The following UNC13B variants were observed in gnomAD, a reference collection of about 807,000 sequenced individuals.
UNC13B encodes the protein unc-13 homolog B.
In UNC13B, 144 loss-of-function variants were observed where a neutral mutation model predicts 211.0. The ratio of observed to expected loss-of-function variants is 0.68; its 90% CI spans 0.60 to 0.78. The LOEUF (loss-of-function observed/expected upper bound fraction) is 0.78. UNC13B is among the 30% of genes least tolerant of loss of function. UNC13B has a pLI of 0.00. For synonymous variants in UNC13B, 709 were observed against 725.8 expected (o/e 0.98, Z 0.37); for missense variants, 1,777 against 2,002.0 (o/e 0.89, Z 2.14).
chr9:35,353,584 A>G (rs1832851440), intron 11 of UNC13B: 3 of 1,232,124 alleles, frequency 2.4e-6, no homozygotes, highest in Non-Finnish European at 3.0e-6. Context: ...ACTCCTTGCC[A>G]AGTGTTGCTC....
chr9:35,270,353 G>A (rs2131675222), intron 7 of UNC13B, among the ~76,000 whole-genome samples: 1 of 152,000 alleles, frequency 6.6e-6, no homozygotes, highest in Non-Finnish European at 1.5e-5. Context: ...GTGTGTGTGT[G>A]TGTGTGTGTA....
chr9:35,258,912 A>G, intron 6 of UNC13B, 81 bp from the exon 7 acceptor site: 5 of 1,408,912 alleles, frequency 3.5e-6, no homozygotes, highest in Non-Finnish European at 4.9e-6. Flanking sequence ...ACCTTTTTAT[A>G]GGTAGTTGTG....
At chr9:35,385,515 G>A (rs1835130301) in intron 22 of UNC13B, 10 of 985,214 alleles carry the variant, frequency 1.0e-5, no homozygotes, top group Non-Finnish European at 1.2e-5. Flanking sequence ...TCTAGGGTGG[G>A]GAGTATTAAC....
chr9:35,400,529 A>G, intron 37 of UNC13B, 86 bp downstream of exon 37: 1 of 1,462,214 alleles, frequency 6.8e-7, no homozygotes, highest in Non-Finnish European at 9.1e-7. Flanking sequence ...TGCCCTTGGG[A>G]GCAGATCCAG....
chr9:35,403,167 G>T lies in UNC13B; in HGVS notation c.12485G>T (p.Gly4162Val), dbSNP rs1196154026. The T allele has an allele frequency of 1.2e-6, 2 of 1,613,944 alleles. No individual in the cohort carries two copies. The highest frequency in any genetic ancestry group is 2.2e-5 in the South Asian group (2 of 91,048). ...AATCATCTCTCCATTTGTCCCTCAG[G>T]GTCTGGTGTGGACGATCCTGTGGGA... Reference protein sequence around the residue: ...KTFVRSQTTQGSGVDDPVGEV... With the variant: ...KTFVRSQTTQVSGVDDPVGEV... Residue 4162 changes from glycine (G) to valine (V), a missense_variant and splice_region_variant, in exon 38 of 40, where the codon GGG becomes GTG. By Grantham distance (109) the Gly-to-Val change is moderately radical. Coordinates refer to ENST00000635942, the MANE Select transcript of UNC13B (RefSeq NM_001371189.2).
chr9:35,390,694 A>G lies in UNC13B; in HGVS notation c.11288A>G (p.Asp3763Gly). 1 of 1,614,088 alleles carries G rather than the reference A, an allele frequency of 6.2e-7. No individual in the cohort carries two copies. The highest frequency in any genetic ancestry group is 8.5e-7 in the Non-Finnish European group (1 of 1,180,002). ...GTGATGTGGCATTTGTTTGCCCAAG[A>G]CATGAAATATGCATTGGAGGGTAAG... The part of the protein sequence containing the change: ...AEVMWHLFAQ[D>G]MKYALEEHEK... The change falls in exon 26 of 40, where the codon GAC becomes GGC. Residue 3763 changes from aspartate to glycine, a missense_variant. By Grantham distance (94) the Asp-to-Gly change is moderately conservative. Transcript: ENST00000635942.
intron 1 of UNC13B, 23 bp downstream of exon 1, chr9:35,162,328 G>A (rs1456246199): frequency 6.5e-7 from 1 of 1,534,156 alleles, no homozygotes; most frequent in African/African-American, 1.4e-5. Context: ...ACTGAGGCGG[G>A]GAGGCGGGGT....
At chr9:35,241,639 A>G (rs1367587753) in intron 5 of UNC13B, among the ~76,000 whole-genome samples, 1 of 151,880 alleles carries the variant, frequency 6.6e-6, no homozygotes, top group African/African-American at 2.4e-5. Context: ...ATATTCTAAC[A>G]CATTCCCTGT....
rs745548840 is a variant in UNC13B at position 35,295,856 on chromosome 9, A to G, written c.687A>G (p.Gln229=). Residue 229 remains glutamine (Q), a synonymous_variant, in exon 8 of 40, where the codon CAA becomes CAG. Coordinates refer to ENST00000635942, the MANE Select transcript of UNC13B (RefSeq NM_001371189.2). The part of the protein sequence containing the change: ...PVRSPQQLLL[Q]GSSRDSCNDS... ...GATCGCCACAGCAGCTGCTACTTCA[A>G]GGCAGTTCCCGGGACTCTTGTAATG... 2.5e-6 allele frequency: 4 copies of G among 1,614,000 alleles called. No homozygotes were observed. The highest frequency in any genetic ancestry group is 2.7e-5 in the African/African-American group (2 of 74,880).
chr9:35,399,320 CCCTT>C lies in UNC13B; in HGVS notation c.12198+39_12198+42del, dbSNP rs756620817. ...CTCCTTCCACTTCCTCCTGCTGTCT[CCCTT>C]CCCCTCACTCCCTGCTTCCTGATGG... On this transcript the variant is annotated intron_variant, in intron 34 of 39. Coordinates refer to ENST00000635942, the MANE Select transcript of UNC13B (RefSeq NM_001371189.2). 7.4e-6 allele frequency: 12 copies of C among 1,614,052 alleles called. No homozygotes were observed. In the African/African-American group the frequency reaches 1.6e-4, roughly 22 times the overall value.
At chr9:35,276,670 C>A (rs1031356153) in intron 7 of UNC13B, among the ~76,000 whole-genome samples, 1 of 152,068 alleles carries the variant, frequency 6.6e-6, no homozygotes, top group African/African-American at 2.4e-5. Context: ...TCAAATGATT[C>A]AGAAATGTGT....
At chr9:35,332,241 C>T (rs1297891250) in intron 11 of UNC13B, among the ~76,000 whole-genome samples, 2 of 152,226 alleles carry the variant, frequency 1.3e-5, no homozygotes, top group African/African-American at 4.8e-5. Context: ...TGAGCCACTG[C>T]ACCCAGCCTC....
chr9:35,376,119 C>A lies in UNC13B; in HGVS notation c.9707C>A (p.Thr3236Asn). ...AACTTTGAGGTCTGGACGGCCACTA[C>A]CCCAACCTACTGCTATGAGTGTGAA... ...PHNFEVWTAT[T>N]PTYCYECEGL... The change falls in exon 15 of 40, where the codon ACC becomes AAC. Residue 3236 changes from threonine to asparagine, a missense_variant. Physicochemically the swap from Thr to Asn is moderately conservative, Grantham distance 65. Coordinates refer to ENST00000635942, the MANE Select transcript of UNC13B (RefSeq NM_001371189.2). 6.2e-7 allele frequency: 1 copy of A among 1,614,258 alleles called. No individual in the cohort carries two copies. Among genetic ancestry groups the A allele is most frequent in the Non-Finnish European group, 8.5e-7 (1 of 1,180,052 alleles).
At chr9:35,362,393 ATGTGT>A (rs1313839253) in intron 11 of UNC13B, among the ~76,000 whole-genome samples, 1 of 152,222 alleles carries the variant, frequency 6.6e-6, no homozygotes, top group African/African-American at 2.4e-5. Flanking sequence ...GCAGTGGTTA[ATGTGT>A]TGTGATAAAG....
At chr9:35,385,661 T>G in intron 22 of UNC13B, 63 bp from the exon 23 acceptor site, 3 of 1,521,926 alleles carry the variant, frequency 2.0e-6, no homozygotes, top group Non-Finnish European at 2.7e-6. Context: ...ATATCATCAC[T>G]TTTGGCAGGG....
intron 3 of UNC13B, among the ~76,000 whole-genome samples, chr9:35,236,128 T>C (rs1825494629): frequency 1.3e-5 from 2 of 152,220 alleles, no homozygotes; most frequent in African/African-American, 4.8e-5. Context: ...AGTTTACTTG[T>C]GTCTCCTTTT....
At chr9:35,331,764 T>C (rs1274915108) in intron 11 of UNC13B, among the ~76,000 whole-genome samples, 3 of 152,228 alleles carry the variant, frequency 2.0e-5, no homozygotes, top group Non-Finnish European at 4.4e-5. Context: ...ACTCCCTTTT[T>C]TCGTTTCCTA....
chr9:35,270,405 T>C (rs1320677166), intron 7 of UNC13B, among the ~76,000 whole-genome samples: 1 of 152,082 alleles, frequency 6.6e-6, no homozygotes, highest in East Asian at 1.9e-4. Context: ...TACACATATA[T>C]ACACACATGT....
intron 4 of UNC13B, among the ~76,000 whole-genome samples, chr9:35,236,993 A>G (rs1456068797): frequency 2.0e-5 from 3 of 152,106 alleles, no homozygotes; most frequent in South Asian, 2.1e-4. Flanking sequence ...TGAGTTACCA[A>G]TCTCCAAGGA....
Sources: allele counts gnomAD v4.1 joint callset (sites outside exome capture counted in the v4.1 genomes callset), GRCh38; gene constraint gnomAD v4.1.1; transcripts MANE v1.5; gene names NCBI Gene and HGNC (gene_info 2026-07-23, HGNC 2026-07-21).